PLEKHA1: variants seen among roughly 807,000 people sequenced by gnomAD.
PLEKHA1 encodes the protein pleckstrin homology domain containing A1.
Under a neutral mutation model 52.0 loss-of-function variants are expected in PLEKHA1, and 34 were observed. The observed-to-expected ratio is 0.65, with a 90% CI of 0.50 to 0.87. PLEKHA1 has a LOEUF of 0.87. PLEKHA1 is among the 40% of genes least tolerant of loss of function. The probability of loss-of-function intolerance (pLI) is 0.00; values close to 1 mark genes in which losing one functional copy is unlikely to be tolerated. For synonymous variants in PLEKHA1, 163 were observed against 170.7 expected (o/e 0.95, Z 0.35); for missense variants, 497 against 504.2 (o/e 0.99, Z 0.14).
At position 122,429,909 on chromosome 10, in the gene PLEKHA1, G is replaced by A. The variant is rs574173132; in HGVS notation, c.1186G>A (p.Asp396Asn). 6.2e-6 allele frequency: 10 copies of A among 1,613,826 alleles called. No individual in the cohort carries two copies. Among genetic ancestry groups the A allele is most frequent in the East Asian group, 4.5e-5 (2 of 44,882 alleles). ...AGATTGTGACCTAGTAGACTTGGACGATGCGAGCCTTCCGGTCAGTGACGT... is the reference window on the plus strand; with the variant it reads ...AGATTGTGACCTAGTAGACTTGGACAATGCGAGCCTTCCGGTCAGTGACGT... ...EKDCDLVDLD[D>N]ASLPVSDV Residue 396 changes from aspartate to asparagine, a missense_variant, in exon 12 of 12, where the codon GAT (aspartate) becomes AAT (asparagine). Coordinates refer to ENST00000368990, the MANE Select transcript of PLEKHA1 (RefSeq NM_001001974.4).
chr10:122,388,544 G>A (rs2096732591), intron 1 of PLEKHA1, among the ~76,000 whole-genome samples: 1 of 152,192 alleles, frequency 6.6e-6, no homozygotes, highest in African/African-American at 2.4e-5. Context: ...ATGGCAATAA[G>A]ATAAATGTTG....
At chr10:122,406,436 G>T in intron 4 of PLEKHA1, 140 bp from the exon 5 acceptor site, 1 of 682,606 alleles carries the variant, frequency 1.5e-6, no homozygotes, top group Non-Finnish European at 2.6e-6. Context: ...GATAAAAGCT[G>T]TATTACATGT....
intron 1 of PLEKHA1, among the ~76,000 whole-genome samples, chr10:122,385,105 G>C (rs1023053548): frequency 3.6e-4 from 55 of 152,006 alleles, no homozygotes; most frequent in African/African-American, 1.3e-3. Flanking sequence ...ATAACTCTGA[G>C]AAGTATCCTC....
intron 1 of PLEKHA1, among the ~76,000 whole-genome samples, chr10:122,382,486 A>T (rs2133693032): frequency 6.6e-6 from 1 of 152,364 alleles, no homozygotes; most frequent in South Asian, 2.1e-4. Context: ...ATGTAAAGAT[A>T]CATTTCCTGT....
At chr10:122,409,183 T>G (rs1172654140) in intron 5 of PLEKHA1, among the ~76,000 whole-genome samples, 1 of 152,248 alleles carries the variant, frequency 6.6e-6, no homozygotes, top group Admixed American at 6.5e-5. Flanking sequence ...TTTCAACTTA[T>G]GATGGGGTTA....
intron 5 of PLEKHA1, among the ~76,000 whole-genome samples, chr10:122,408,185 G>C (rs1181193004): frequency 6.6e-6 from 1 of 152,084 alleles, no homozygotes; most frequent in Non-Finnish European, 1.5e-5. Context: ...TCTCGTAACT[G>C]TACTAAATTC....
At chr10:122,402,453 G>A (rs2096943072) in intron 4 of PLEKHA1, among the ~76,000 whole-genome samples, 1 of 152,178 alleles carries the variant, frequency 6.6e-6, no homozygotes, top group South Asian at 2.1e-4. Context: ...TTTTGATGGA[G>A]GGAGCAGAGT....
intron 8 of PLEKHA1, chr10:122,419,784 G>A (rs1289224729): frequency 6.6e-6 from 1 of 152,136 alleles, no homozygotes; most frequent in African/African-American, 2.4e-5. Flanking sequence ...CTAATTTTAC[G>A]GAGTATAGTT....
chr10:122,406,626 G>A lies in PLEKHA1; in HGVS notation c.295G>A (p.Asp99Asn), dbSNP rs142554621. The A allele has an allele frequency of 6.2e-7, 1 of 1,613,324 alleles. No homozygotes were observed. The highest frequency in any genetic ancestry group is 1.3e-5 in the African/African-American group (1 of 74,884). Reference sequence around the variant, plus strand: ...CTTCCTACAAGCCAATGATCAGCAGGACCTAGTGGAATGGGTAAATGTGTT... The same window carrying A: ...CTTCCTACAAGCCAATGATCAGCAGAACCTAGTGGAATGGGTAAATGTGTT... ...KYFLQANDQQDLVEWVNVLNK... is the reference protein window; with the variant it reads ...KYFLQANDQQNLVEWVNVLNK... Residue 99 changes from aspartate to asparagine, a missense_variant, in exon 5 of 12, where the codon GAC (aspartate) becomes AAC (asparagine). Physicochemically the swap from Asp to Asn is conservative, Grantham distance 23. Transcript: ENST00000368990.
intron 5 of PLEKHA1, among the ~76,000 whole-genome samples, chr10:122,410,421 T>C (rs1012843621): frequency 6.6e-6 from 1 of 152,316 alleles, no homozygotes; most frequent in East Asian, 1.9e-4. Flanking sequence ...GAGATCACTT[T>C]TCTGATTTTC....
chr10:122,405,646 G>A (rs1253180811), intron 4 of PLEKHA1, among the ~76,000 whole-genome samples: 1 of 151,420 alleles, frequency 6.6e-6, no homozygotes, highest in African/African-American at 2.4e-5. Context: ...ATATTGGAAG[G>A]CTGAAAGAAC....
chr10:122,375,422 A>C (rs560203527), intron 1 of PLEKHA1, among the ~76,000 whole-genome samples: 114 of 152,348 alleles, frequency 7.5e-4, no homozygotes, highest in African/African-American at 2.6e-3. Flanking sequence ...CCTTCGGGGC[A>C]GGTGGCCAGA....
At chr10:122,417,123 T>C (rs539351130) in intron 7 of PLEKHA1, 1 of 152,680 alleles carries the variant, frequency 6.5e-6, no homozygotes, top group East Asian at 1.9e-4. Flanking sequence ...GCAAAAACTG[T>C]TATTTTATTG....
chr10:122,441,743 CAG>C, the PLEKHA1 span: 7 of 152,222 alleles, frequency 4.6e-5, no homozygotes, highest in Admixed American at 6.5e-5. Context: ...TCCATATAGA[CAG>C]AATTTCATCA....
Position 122,431,021 on chromosome 10 carries a change from A to C in PLEKHA1, c.*1083A>C, listed in dbSNP as rs988855341. 6.6e-6 allele frequency: 1 copy of C among 152,620 alleles called. No individual in the cohort carries two copies. The highest frequency in any genetic ancestry group is 1.5e-5 in the Non-Finnish European group (1 of 68,044). 9.5% of individuals were successfully genotyped at this position (152,620 alleles called of 1,614,324 possible). A position where few individuals can be genotyped will look rare whatever the true frequency, so the allele number is the denominator to read the frequency against. On this transcript the variant is annotated 3_prime_UTR_variant, in exon 12 of 12. Coordinates refer to ENST00000368990, the MANE Select transcript of PLEKHA1 (RefSeq NM_001001974.4). ...TTGTGCAATATATATGTTTTAAAAA[A>C]CAAATTTGAGAATACATTTAATCAT... is the stretch of plus-strand genomic sequence containing the variant.
At position 122,423,162 on chromosome 10, in the gene PLEKHA1, G is replaced by A. The variant is rs1422113815; in HGVS notation, c.682-1037G>A. 6 of 147,902 alleles carry A rather than the reference G, an allele frequency of 4.1e-5. No homozygotes were observed. In the East Asian group the frequency reaches 7.9e-4, roughly 19 times the overall value. The allele number at this position is 147,902 out of a possible 1,614,324, so 9.2% of individuals were successfully genotyped here. On this transcript the variant is annotated intron_variant, in intron 8 of 11. Transcript: ENST00000368990. Reference sequence around the variant, plus strand: ...CTCCCAGCTGGGCGTGGTGGCTCACGCCTGTAATCCTAGCATTTTGGGAGG... The same window carrying A: ...CTCCCAGCTGGGCGTGGTGGCTCACACCTGTAATCCTAGCATTTTGGGAGG...
chr10:122,426,950 C>T lies in PLEKHA1; in HGVS notation c.819C>T (p.Ser273=). The T allele has an allele frequency of 6.2e-7, 1 of 1,613,668 alleles. No individual in the cohort carries two copies. The highest frequency in any genetic ancestry group is 8.5e-7 in the Non-Finnish European group (1 of 1,179,684). The part of the protein sequence containing the change: ...TSRTFYVQAD[S]PEEMHSWIKA... ...GTTCTTTTTTCCTTTAGGCTGATAG[C>T]CCTGAAGAGATGCACAGTTGGATTA... The change falls in exon 11 of 12, where the codon AGC becomes AGT. Residue 273 remains serine (S), a synonymous_variant. Transcript: ENST00000368990.
chr10:122,415,708 AGAGT>A (rs1226061928), intron 6 of PLEKHA1, 147 bp from the exon 7 acceptor site: 7 of 715,330 alleles, frequency 9.8e-6, no homozygotes, highest in Non-Finnish European at 1.5e-5. Flanking sequence ...AGGAAAATTA[AGAGT>A]AAGTATCTCA....
At chr10:122,419,406 C>T (rs1296337877) in intron 8 of PLEKHA1, 1 of 152,136 alleles carries the variant, frequency 6.6e-6, no homozygotes, top group Admixed American at 6.6e-5. Context: ...AGAGCCTCAA[C>T]TGGAAGTAGT....
Sources: allele counts gnomAD v4.1 joint callset (sites outside exome capture counted in the v4.1 genomes callset), GRCh38; gene constraint gnomAD v4.1.1; transcripts MANE v1.5; gene names NCBI Gene and HGNC (gene_info 2026-07-23, HGNC 2026-07-21).